The following GPR155 variants were observed in gnomAD, a reference collection of about 807,000 sequenced individuals.
GPR155 encodes the protein G protein-coupled receptor 155, also known as lysosomal cholesterol signaling protein.
Under a neutral mutation model 93.1 loss-of-function variants are expected in GPR155, and 65 were observed. The observed-to-expected ratio is 0.70, with a 90% CI of 0.57 to 0.86. The LOEUF is 0.86. GPR155 is among the 40% of genes least tolerant of loss of function. The pLI, the probability that GPR155 is intolerant of heterozygous loss-of-function variation, is 0.00. For missense variants in GPR155, 838 were observed against 1,034.8 expected, an observed-to-expected ratio of 0.81 and a Z score of 2.61; for synonymous variants, 319 against 360.1, an observed-to-expected ratio of 0.89 and a Z score of 1.29.
chr2:174,483,416 GA>G (rs1193634875), intron 1 of GPR155, among the ~76,000 whole-genome samples: 1 of 152,082 alleles, frequency 6.6e-6, no homozygotes, highest in African/African-American at 2.4e-5. Flanking sequence ...ATGTTCTAAA[GA>G]GGTTCAGAAA....
chr2:174,481,429 T>C, intron 2 of GPR155, 68 bp downstream of exon 2: 1 of 917,402 alleles, frequency 1.1e-6, no homozygotes, highest in Non-Finnish European at 1.7e-6. Flanking sequence ...AAGAATCTGT[T>C]ACTAACAAAT....
intron 2 of GPR155, among the ~76,000 whole-genome samples, chr2:174,479,868 T>C (rs1688270967): frequency 6.6e-6 from 1 of 152,214 alleles, no homozygotes; most frequent in Admixed American, 6.5e-5. Context: ...AAGGAACACC[T>C]ATCTAGTTTC....
intron 5 of GPR155, among the ~76,000 whole-genome samples, chr2:174,468,654 G>A (rs1687906304): frequency 6.6e-6 from 1 of 152,118 alleles, no homozygotes; most frequent in African/African-American, 2.4e-5. Context: ...ACTCCACAGA[G>A]GCATACAGCT....
chr2:174,461,298 T>C, intron 9 of GPR155, 104 bp downstream of exon 9: 5 of 722,258 alleles, frequency 6.9e-6, no homozygotes, highest in Non-Finnish European at 1.2e-5. Flanking sequence ...TGCAATAAAT[T>C]GAAATAGATT....
At chr2:174,462,871 C>G (rs901827332) in intron 7 of GPR155, among the ~76,000 whole-genome samples, 1 of 152,152 alleles carries the variant, frequency 6.6e-6, no homozygotes, top group Admixed American at 6.5e-5. Flanking sequence ...GTTATAGGAT[C>G]TTAGAACTTT....
chr2:174,441,746 TGTGTGC>T (rs1489137687), intron 14 of GPR155, among the ~76,000 whole-genome samples: 1 of 150,812 alleles, frequency 6.6e-6, no homozygotes, highest in East Asian at 2.0e-4. Flanking sequence ...TGTGTGTGTG[TGTGTGC>T]GTGTGTGTGT....
chr2:174,472,895 TAC>T, intron 3 of GPR155, 68 bp downstream of exon 3: 1 of 1,205,866 alleles, frequency 8.3e-7, no homozygotes, highest in Non-Finnish European at 1.2e-6. Context: ...GTTGCAGACA[TAC>T]CCCTGATGAA....
At position 174,441,987 on chromosome 2, in the gene GPR155, A is replaced by G. The variant is rs1277668470; in HGVS notation, c.2174+132T>C. On this transcript the variant is annotated intron_variant, in intron 14 of 15. Coordinates refer to ENST00000392552, the MANE Select transcript of GPR155 (RefSeq NM_152529.7). ...GGTCTTGAACTCCTGAGTTCAAGCA[A>G]TCTGCCCACCCTGGCCTCCCAAAGT... 25 of 628,384 alleles carry G rather than the reference A, an allele frequency of 4.0e-5. No homozygotes were observed. The East Asian group carries it at 5.8e-4, about 15-fold the overall frequency. The allele number at this position is 628,384 out of a possible 1,614,324, so 38.9% of individuals were successfully genotyped here.
chr2:174,446,686 C>A lies in GPR155; in HGVS notation c.1938G>T (p.Gln646His). Residue 646 changes from glutamine (Q) to histidine (H), a missense_variant, in exon 12 of 16, where the codon CAG (glutamine) becomes CAT (histidine). Transcript: ENST00000392552. Reference sequence around the variant, plus strand: ...GTTGCTGGTCTCCACTCTGTAGATACTGTTCTTCTTCCTGGGCTAATATGC... The same window carrying A: ...GTTGCTGGTCTCCACTCTGTAGATAATGTTCTTCTTCCTGGGCTAATATGC... Reference protein sequence around the residue: ...QSCILAQEEEQYLQSGDQQLT... With the variant: ...QSCILAQEEEHYLQSGDQQLT... 1 of 1,613,876 alleles carries A rather than the reference C, an allele frequency of 6.2e-7. No individual in the cohort carries two copies. The highest frequency in any genetic ancestry group is 8.5e-7 in the Non-Finnish European group (1 of 1,179,736).
intron 5 of GPR155, among the ~76,000 whole-genome samples, chr2:174,467,041 C>A (rs930917765): frequency 2.6e-5 from 4 of 152,038 alleles, no homozygotes; most frequent in African/African-American, 9.7e-5. Context: ...CCTGTAATCC[C>A]AGCTATTCAG....
intron 5 of GPR155, among the ~76,000 whole-genome samples, chr2:174,468,098 C>G (rs1687893082): frequency 1.3e-5 from 2 of 152,146 alleles, no homozygotes; most frequent in Admixed American, 1.3e-4. Context: ...AGGTAAGTAT[C>G]CTGGCGACTT....
At chr2:174,456,863 G>A (rs1054034482) in intron 10 of GPR155, among the ~76,000 whole-genome samples, 1 of 152,102 alleles carries the variant, frequency 6.6e-6, no homozygotes, top group Admixed American at 6.6e-5. Flanking sequence ...ACTATATATT[G>A]TTGATGGAAA....
At chr2:174,454,141 GT>G (rs1046903413) in intron 10 of GPR155, among the ~76,000 whole-genome samples, 10 of 152,070 alleles carry the variant, frequency 6.6e-5, no homozygotes, top group African/African-American at 2.4e-4. Context: ...GTTTTGTTCT[GT>G]TTTTTTGTTT....
At chr2:174,451,761 C>T (rs7589107) in intron 11 of GPR155, among the ~76,000 whole-genome samples, 113,446 of 151,550 alleles carry the variant, frequency 0.75, 43,657 homozygotes, top group African/African-American at 0.84. Context: ...TCCTCCCACC[C>T]CAGCCTCCTG....
chr2:174,469,066 A>T lies in GPR155; in HGVS notation c.1028T>A (p.Ile343Lys), dbSNP rs780719552. 2 of 1,612,934 alleles carry T rather than the reference A, an allele frequency of 1.2e-6. No homozygotes were observed. Among genetic ancestry groups the T allele is most frequent in the Admixed American group, 3.3e-5 (2 of 59,808 alleles). ...ATQFNMEVEI[I>K]TSGMVISTFV... ...TGTGCTTATCACCATCCCTGAGGTT[A>T]TCTGCAAAAATGAAATCAAACAGAG... Residue 343 changes from isoleucine (I) to lysine (K), a missense_variant and splice_region_variant, in exon 5 of 16, where the codon ATA becomes AAA. Ile to Lys is a moderately radical substitution (Grantham distance 102). Coordinates refer to ENST00000392552, the MANE Select transcript of GPR155 (RefSeq NM_152529.7).
At chr2:174,465,736 G>A (rs777622985) in intron 7 of GPR155, 49 bp downstream of exon 7, 1 of 878,510 alleles carries the variant, frequency 1.1e-6, no homozygotes, top group Admixed American at 1.8e-5. Context: ...TATTAGGAAT[G>A]GGGTGGGGTG....
chr2:174,468,197 T>C (rs1305801086), intron 5 of GPR155, among the ~76,000 whole-genome samples: 1 of 152,232 alleles, frequency 6.6e-6, no homozygotes, highest in African/African-American at 2.4e-5. Flanking sequence ...TTTAAGAACA[T>C]GTGACAGAGG....
At chr2:174,485,839 T>C (rs1329596307) in intron 1 of GPR155, among the ~76,000 whole-genome samples, 1 of 152,076 alleles carries the variant, frequency 6.6e-6, no homozygotes, top group Non-Finnish European at 1.5e-5. Context: ...AGCCTTTTTA[T>C]CTATAAAAAC....
intron 2 of GPR155, among the ~76,000 whole-genome samples, chr2:174,474,072 G>C (rs1369455490): frequency 6.6e-6 from 1 of 152,208 alleles, no homozygotes; most frequent in East Asian, 1.9e-4. Context: ...GGAAATGACA[G>C]GGCAGAGAAT....
Sources: allele counts gnomAD v4.1 joint callset (sites outside exome capture counted in the v4.1 genomes callset), GRCh38; gene constraint gnomAD v4.1.1; transcripts MANE v1.5; gene names NCBI Gene and HGNC (gene_info 2026-07-23, HGNC 2026-07-21).